Variants in GPC6 observed in about 807,000 individuals in gnomAD.
The protein encoded by GPC6 is glypican 6.
GPC6 carries 14 observed loss-of-function variants against 55.2 expected under a neutral mutation model. The ratio of observed to expected loss-of-function variants is 0.25; its 90% CI spans 0.17 to 0.40. The LOEUF (loss-of-function observed/expected upper bound fraction) is 0.40. Among genes scored for constraint, GPC6 ranks in the 10% least tolerant of loss-of-function variants. The pLI, the probability that GPC6 is intolerant of heterozygous loss-of-function variation, is 1.00. For synonymous variants in GPC6, 278 were observed against 259.6 expected (o/e 1.07, Z -0.68); for missense variants, 641 against 708.5 (o/e 0.90, Z 1.08).
intron 4 of GPC6, among the ~76,000 whole-genome samples, chr13:94,148,546 A>C (rs1482560060): frequency 3.9e-5 from 6 of 152,198 alleles, no homozygotes; most frequent in Admixed American, 1.3e-4. Flanking sequence ...ACTGCAATTT[A>C]ATTTAACTGA....
At chr13:93,691,595 A>G (rs906319760) in intron 2 of GPC6, among the ~76,000 whole-genome samples, 1 of 151,722 alleles carries the variant, frequency 6.6e-6, no homozygotes, top group Non-Finnish European at 1.5e-5. Context: ...TCAGATTCAT[A>G]CTGCTATTTC....
At chr13:94,334,201 C>T (rs908759635) in intron 6 of GPC6, among the ~76,000 whole-genome samples, 32 of 152,222 alleles carry the variant, frequency 2.1e-4, no homozygotes, top group Admixed American at 6.5e-5. Context: ...TCAACTCTGA[C>T]ATTTTTATCT....
At chr13:93,822,683 G>A (rs1449662491) in intron 2 of GPC6, among the ~76,000 whole-genome samples, 2 of 150,796 alleles carry the variant, frequency 1.3e-5, no homozygotes, top group East Asian at 2.0e-4. Context: ...ACTTATGAGT[G>A]TGAACATGCA....
At chr13:94,261,244 C>T (rs1486457346) in intron 4 of GPC6, among the ~76,000 whole-genome samples, 2 of 152,178 alleles carry the variant, frequency 1.3e-5, no homozygotes, top group Non-Finnish European at 2.9e-5. Context: ...CACTTCACTC[C>T]AGCCTCAGCA....
intron 2 of GPC6, among the ~76,000 whole-genome samples, chr13:93,688,725 C>T (rs891728576): frequency 1.3e-5 from 2 of 151,886 alleles, no homozygotes; most frequent in Admixed American, 6.6e-5. Context: ...TGGGCAAATT[C>T]GTAGAGAAAG....
chr13:93,740,642 A>G (rs944905289), intron 2 of GPC6, among the ~76,000 whole-genome samples: 12 of 152,240 alleles, frequency 7.9e-5, no homozygotes, highest in Admixed American at 6.5e-4. Flanking sequence ...AAATCTCCTG[A>G]TCATATTTCA....
intron 1 of GPC6, among the ~76,000 whole-genome samples, chr13:93,471,859 G>A (rs1879133103): frequency 6.6e-6 from 1 of 152,146 alleles, no homozygotes; most frequent in Admixed American, 6.5e-5. Context: ...CTGTTGTTGG[G>A]CAGAGTAACC....
chr13:94,039,904 C>T (rs1380354808), intron 4 of GPC6, among the ~76,000 whole-genome samples: 1 of 151,864 alleles, frequency 6.6e-6, no homozygotes, highest in Non-Finnish European at 1.5e-5. Flanking sequence ...TATGCTCCAA[C>T]CTCTTTAATT....
chr13:94,275,681 A>G (rs1892180134), intron 4 of GPC6, among the ~76,000 whole-genome samples: 1 of 152,128 alleles, frequency 6.6e-6, no homozygotes, highest in Non-Finnish European at 1.5e-5. Flanking sequence ...TAATTCATGA[A>G]ACAAAAGGGC....
rs569646259 is a variant in GPC6 at position 93,583,333 on chromosome 13, G to A, written c.319+37912G>A. On this transcript the variant is annotated intron_variant, in intron 2 of 8. Coordinates refer to ENST00000377047, the MANE Select transcript of GPC6 (RefSeq NM_005708.5). Reference sequence around the variant, plus strand: ...GTTCTGAATTTGTTTTAAAAGTAATGCACATTGTGTGTGTGTGTGTGCGCG... The same window carrying A: ...GTTCTGAATTTGTTTTAAAAGTAATACACATTGTGTGTGTGTGTGTGCGCG... Among the ~76,000 whole-genome samples, 296 of 142,076 alleles carry A rather than the reference G, an allele frequency of 2.1e-3. 1 individual carries two copies. Among genetic ancestry groups the A allele is most frequent in the African/African-American group, 8.0e-3 (258 of 32,248 alleles). The allele number at this position is 142,076 out of a possible 152,430, so 93.2% of individuals were successfully genotyped here.
At chr13:93,533,097 A>G (rs1366952357) in intron 1 of GPC6, among the ~76,000 whole-genome samples, 1 of 152,198 alleles carries the variant, frequency 6.6e-6, no homozygotes, top group Non-Finnish European at 1.5e-5. Flanking sequence ...GAGATATGAA[A>G]GGATCATTTA....
intron 4 of GPC6, among the ~76,000 whole-genome samples, chr13:94,046,287 A>G (rs1274218008): frequency 6.6e-6 from 1 of 152,060 alleles, no homozygotes; most frequent in Admixed American, 6.6e-5. Flanking sequence ...TCCCTAAGTG[A>G]TAGTGCTGAA....
chr13:93,721,246 C>T (rs778369438), intron 2 of GPC6, among the ~76,000 whole-genome samples: 5 of 151,882 alleles, frequency 3.3e-5, no homozygotes, highest in Non-Finnish European at 7.4e-5. Flanking sequence ...TCTGGGTGCT[C>T]CTGTATTGGG....
At chr13:93,965,208 G>A (rs916772826) in intron 3 of GPC6, among the ~76,000 whole-genome samples, 13 of 139,930 alleles carry the variant, frequency 9.3e-5, no homozygotes, top group South Asian at 2.4e-4. Flanking sequence ...TCAGGAGATT[G>A]AGACCATCCT....
Position 93,561,404 on chromosome 13 carries a change from G to GAGATATATATATATATATATAT in GPC6, c.319+15984_319+15985insGATATATATATATATATATATA, listed in dbSNP as rs968221822. Among the ~76,000 whole-genome samples, 65 of 104,692 alleles carry GAGATATATATATATATATATAT rather than the reference G, an allele frequency of 6.2e-4. 1 individual carries two copies. Among genetic ancestry groups the GAGATATATATATATATATATAT allele is most frequent in the African/African-American group, 2.5e-3 (61 of 24,118 alleles). 68.7% of individuals were successfully genotyped at this position (104,692 alleles called of 152,430 possible). On this transcript the variant is annotated intron_variant, in intron 2 of 8. Coordinates refer to ENST00000377047, the MANE Select transcript of GPC6 (RefSeq NM_005708.5). ...AATAATTGCATACTATATCCCTATCGATATATATATATATATATATATTTG... is the reference window on the plus strand; with the variant it reads ...AATAATTGCATACTATATCCCTATCGAGATATATATATATATATATATATATATATATATATATATATATTTG...
At chr13:93,805,781 C>T (rs891613822) in intron 2 of GPC6, among the ~76,000 whole-genome samples, 5 of 152,134 alleles carry the variant, frequency 3.3e-5, no homozygotes, top group Non-Finnish European at 5.9e-5. Flanking sequence ...TAGGTTTGGC[C>T]CAGTATTTCA....
chr13:93,726,766 C>A (rs758681356), intron 2 of GPC6, among the ~76,000 whole-genome samples: 3 of 152,074 alleles, frequency 2.0e-5, no homozygotes, highest in Non-Finnish European at 4.4e-5. Flanking sequence ...TCTTCCCATT[C>A]ATCAAGAGTC....
At chr13:93,294,394 C>T (rs998794555) in intron 1 of GPC6, among the ~76,000 whole-genome samples, 2 of 152,122 alleles carry the variant, frequency 1.3e-5, no homozygotes, top group Non-Finnish European at 1.5e-5. Flanking sequence ...TTAGTCATTA[C>T]TTCATAATGA....
At chr13:94,352,838 C>T (rs548622047) in intron 6 of GPC6, among the ~76,000 whole-genome samples, 2 of 152,304 alleles carry the variant, frequency 1.3e-5, no homozygotes, top group Admixed American at 1.3e-4. Context: ...CTTTATTCTT[C>T]CATGGTGGGG....
Sources: allele counts gnomAD v4.1 joint callset (sites outside exome capture counted in the v4.1 genomes callset), GRCh38; gene constraint gnomAD v4.1.1; transcripts MANE v1.5; gene names NCBI Gene and HGNC (gene_info 2026-07-23, HGNC 2026-07-21).